The following PELI2 variants were observed in gnomAD, a reference collection of about 807,000 sequenced individuals.
PELI2 encodes the protein E3 ubiquitin-protein ligase pellino homolog 2.
Under a neutral mutation model 42.3 loss-of-function variants are expected in PELI2, and 23 were observed. The observed-to-expected ratio is 0.54, with a 90% CI of 0.39 to 0.77. The LOEUF is 0.77. Ranked by LOEUF, PELI2 falls within the 30% of genes least tolerant of loss-of-function variation. PELI2 has a pLI of 0.00. For synonymous variants in PELI2, 245 were observed against 212.2 expected (o/e 1.15, Z -1.34); for missense variants, 463 against 553.2 (o/e 0.84, Z 1.64).
intron 2 of PELI2, among the ~76,000 whole-genome samples, chr14:56,221,187 A>AT (rs1887121035): frequency 6.6e-6 from 1 of 152,178 alleles, no homozygotes; most frequent in South Asian, 2.1e-4. Flanking sequence ...AATTTAGGCC[A>AT]TTGGGAAGGA....
At chr14:56,149,597 C>CT (rs570677538) in intron 1 of PELI2, among the ~76,000 whole-genome samples, 47 of 147,308 alleles carry the variant, frequency 3.2e-4, no homozygotes, top group East Asian at 9.9e-4. Context: ...CCACCTTTTA[C>CT]TTTTTTTTTT....
chr14:56,163,516 G>C (rs549340251), intron 1 of PELI2, among the ~76,000 whole-genome samples: 1 of 151,542 alleles, frequency 6.6e-6, no homozygotes, highest in African/African-American at 2.4e-5. Flanking sequence ...TGATTTCTCC[G>C]GTTTCATTCT....
intron 2 of PELI2, among the ~76,000 whole-genome samples, chr14:56,232,331 C>A (rs1887614794): frequency 6.6e-6 from 1 of 152,042 alleles, no homozygotes; most frequent in African/African-American, 2.4e-5. Flanking sequence ...GACCAATATC[C>A]CTGATGAACA....
At chr14:56,175,116 C>T (rs1212995470) in intron 1 of PELI2, among the ~76,000 whole-genome samples, 1 of 152,130 alleles carries the variant, frequency 6.6e-6, no homozygotes, top group Non-Finnish European at 1.5e-5. Context: ...CCACCTCAGC[C>T]GCCCGAGTAG....
At chr14:56,141,946 A>C (rs758790113) in intron 1 of PELI2, among the ~76,000 whole-genome samples, 71 of 152,338 alleles carry the variant, frequency 4.7e-4, no homozygotes, top group Non-Finnish European at 7.6e-4. Flanking sequence ...AAACAAATGC[A>C]AAGGGTGTTG....
In PELI2 at chr14:56,129,402, C is replaced by G. The variant is rs137915339; in HGVS notation, c.77+10665C>G. On this transcript the variant is annotated intron_variant, in intron 1 of 5. Coordinates refer to ENST00000267460, the MANE Select transcript of PELI2 (RefSeq NM_021255.3). Reference sequence around the variant, plus strand: ...CGTGATCCATTTAATTATTTGGGCACTCAGTGGTTTGATTTTGAAACTTGT... The same window carrying G: ...CGTGATCCATTTAATTATTTGGGCAGTCAGTGGTTTGATTTTGAAACTTGT... Among the ~76,000 whole-genome samples the G allele has an allele frequency of 3.0e-4, 45 of 152,358 alleles. No homozygotes were observed. The East Asian group carries it at 8.3e-3, about 28-fold the overall frequency.
At chr14:56,148,739 G>T (rs1202503037) in intron 1 of PELI2, among the ~76,000 whole-genome samples, 1 of 152,188 alleles carries the variant, frequency 6.6e-6, no homozygotes, top group Non-Finnish European at 1.5e-5. Flanking sequence ...GACTGTAGCA[G>T]TGTGTTTGCT....
At chr14:56,230,381 A>G (rs938108001) in intron 2 of PELI2, among the ~76,000 whole-genome samples, 6 of 152,242 alleles carry the variant, frequency 3.9e-5, no homozygotes, top group African/African-American at 1.4e-4. Context: ...AGGGAAGCCC[A>G]TCAGACTAAC....
intron 5 of PELI2, among the ~76,000 whole-genome samples, chr14:56,293,275 A>T (rs957984238): frequency 3.3e-5 from 5 of 152,198 alleles, no homozygotes; most frequent in African/African-American, 1.2e-4. Context: ...TCTTGCTTCC[A>T]CAATACTGTC....
intron 2 of PELI2, among the ~76,000 whole-genome samples, chr14:56,223,943 T>A (rs1887247272): frequency 1.3e-5 from 2 of 152,200 alleles, no homozygotes; most frequent in South Asian, 4.1e-4. Context: ...AATAGAAATA[T>A]ACAAGGATGG....
At chr14:56,156,671 A>G (rs80350885) in intron 1 of PELI2, among the ~76,000 whole-genome samples, 3,142 of 152,330 alleles carry the variant, frequency 0.021, 102 homozygotes, top group African/African-American at 0.072. Flanking sequence ...CACTGGCCAC[A>G]TGTAGCTGTT....
At chr14:56,249,864 G>A (rs1016437090) in intron 2 of PELI2, among the ~76,000 whole-genome samples, 1 of 152,200 alleles carries the variant, frequency 6.6e-6, no homozygotes, top group Admixed American at 6.5e-5. Context: ...TGCCTAGCAT[G>A]CGTCATGCGA....
intron 2 of PELI2, among the ~76,000 whole-genome samples, chr14:56,206,827 T>C (rs951211624): frequency 2.0e-5 from 3 of 152,218 alleles, no homozygotes; most frequent in African/African-American, 7.2e-5. Context: ...GTCAAGTATT[T>C]TCTGAATTCC....
chr14:56,184,220 A>G (rs1417796951), intron 2 of PELI2, among the ~76,000 whole-genome samples: 1 of 152,108 alleles, frequency 6.6e-6, no homozygotes, highest in East Asian at 1.9e-4. Context: ...ATACTAACCA[A>G]TGTGAATTTT....
At chr14:56,192,228 T>C (rs1486184365) in intron 2 of PELI2, among the ~76,000 whole-genome samples, 1 of 152,244 alleles carries the variant, frequency 6.6e-6, no homozygotes, top group African/African-American at 2.4e-5. Flanking sequence ...AGCACCAATT[T>C]ACTGAAATTT....
intron 2 of PELI2, among the ~76,000 whole-genome samples, chr14:56,221,335 T>TGAAAA (rs1887125389): frequency 6.6e-6 from 1 of 152,186 alleles, no homozygotes; most frequent in Non-Finnish European, 1.5e-5. Flanking sequence ...GGCATCAGCT[T>TGAAAA]GCCCTGGACC....
chr14:56,136,895 A>C (rs1363904707), intron 1 of PELI2, among the ~76,000 whole-genome samples: 2 of 152,122 alleles, frequency 1.3e-5, no homozygotes, highest in African/African-American at 4.8e-5. Context: ...CTTCTAGGAT[A>C]CATGTGGAGA....
rs1159800082 is a variant in PELI2, at chr14:56,219,940, TAATTG to T, written c.207+41479_207+41483del. Among the ~76,000 whole-genome samples, 1 of 152,182 alleles carries T rather than the reference TAATTG, an allele frequency of 6.6e-6. No individual in the cohort carries two copies. On this transcript the variant is annotated intron_variant, in intron 2 of 5. Transcript: ENST00000267460. The surrounding 1 kb of genome is among the most constrained non-coding windows in gnomAD (Gnocchi z 4.1). ...TGAAAAAACTCTTGTGCAGAACAGT[TAATTG>T]AAGTGTTCTGCTAACATTTTTTGTT... is the stretch of plus-strand genomic sequence containing the variant.
chr14:56,265,882 A>T (rs1888885854), intron 2 of PELI2, among the ~76,000 whole-genome samples: 1 of 152,068 alleles, frequency 6.6e-6, no homozygotes, highest in Non-Finnish European at 1.5e-5. Flanking sequence ...ACAGATTAAA[A>T]CCACAATGAG....
Sources: allele counts gnomAD v4.1 joint callset (sites outside exome capture counted in the v4.1 genomes callset), GRCh38; gene constraint gnomAD v4.1.1; non-coding constraint Gnocchi (gnomAD v3.1); transcripts MANE v1.5; gene names NCBI Gene and HGNC (gene_info 2026-07-23, HGNC 2026-07-21).